The following SUPT20HL2 variants were observed in gnomAD, a reference collection of about 807,000 sequenced individuals.
SUPT20HL2 encodes the protein SUPT20H like 2.
For missense variants in SUPT20HL2, 288 were observed against 127.4 expected (o/e 2.26, Z -6.07); for synonymous variants, 125 against 51.6 (o/e 2.42, Z -6.10).
rs1450561116 is a variant in SUPT20HL2 at position 24,312,522 on chromosome X, G to A, written c.794C>T (p.Ser265Leu). 3 of 385,572 alleles carry A rather than the reference G, an allele frequency of 7.8e-6. No individual in the cohort carries two copies. The highest frequency in any genetic ancestry group is 4.7e-5 in the South Asian group (2 of 42,679). 31.8% of individuals were successfully genotyped at this position (385,572 alleles called of 1,213,427 possible). The change falls in exon 1 of 1, where the codon TCG becomes TTG. Residue 265 changes from serine (S) to leucine (L), a missense_variant. Physicochemically the swap from Ser to Leu is moderately radical, Grantham distance 145 (BLOSUM62 -2). Coordinates refer to ENST00000486479, the MANE Select transcript of SUPT20HL2 (RefSeq NM_001136233.3). The part of the protein sequence containing the change: ...DCPPPPELRV[S>L]TSGQKEERKV... ...TCTTTCTTCTTTTTGGCCAGAAGTCGACACTCTCAGCTCAGGAGGAGGTGG... is the reference window on the plus strand; with the variant it reads ...TCTTTCTTCTTTTTGGCCAGAAGTCAACACTCTCAGCTCAGGAGGAGGTGG...
rs1939106335 is a variant in SUPT20HL2 at position 24,309,781 on chromosome X, A to G, written c.*1081T>C. Among the ~76,000 whole-genome samples the G allele has an allele frequency of 1.1e-5, 1 of 93,437 alleles. No homozygotes were observed. The highest frequency in any genetic ancestry group is 2.1e-5 in the Non-Finnish European group (1 of 46,975). 81.1% of individuals were successfully genotyped at this position (93,437 alleles called of 115,157 possible). A position where few individuals can be genotyped will look rare whatever the true frequency, so the allele number is the denominator to read the frequency against. On this transcript the variant is annotated 3_prime_UTR_variant, in exon 1 of 1. Coordinates refer to ENST00000486479, the MANE Select transcript of SUPT20HL2 (RefSeq NM_001136233.3). ...AAAAAAAAAAAAAACATCCAAAAAG[A>G]GCCTTTTCAAAGCCAGTGAGAAAGC...
In SUPT20HL2 at chrX:24,310,630, T is replaced by G. The variant is rs1939114035; in HGVS notation, c.*232A>C. ...TTTAAAATACTATATTAAAAACAAT[T>G]ATATCAACAGCAATGACAACAAAAG... On this transcript the variant is annotated 3_prime_UTR_variant, in exon 1 of 1. Transcript: ENST00000486479. 8.9e-6 allele frequency among the ~76,000 whole-genome samples: 1 copy of G among 112,365 alleles called. No homozygotes were observed. Among genetic ancestry groups the G allele is most frequent in the African/African-American group, 3.2e-5 (1 of 30,905 alleles).
In SUPT20HL2 at chrX:24,312,299, A is replaced by G. The variant is rs368967912; in HGVS notation, c.1017T>C (p.His339=). 8.0e-5 allele frequency: 31 copies of G among 385,405 alleles called. No homozygotes were observed. The highest frequency in any genetic ancestry group is 5.9e-4 in the African/African-American group (23 of 39,152). 31.8% of individuals were successfully genotyped at this position (385,405 alleles called of 1,213,427 possible). A position where few individuals can be genotyped will look rare whatever the true frequency, so the allele number is the denominator to read the frequency against. Residue 339 remains histidine (H), a synonymous_variant, in exon 1 of 1, where the codon CAT becomes CAC. Coordinates refer to ENST00000486479, the MANE Select transcript of SUPT20HL2 (RefSeq NM_001136233.3). ...AGGCCTGACAGCCAGCTTCCCATGC[A>G]TGTCTGAAAGGGTCTTCTACCTCCT... The part of the protein sequence containing the change: ...PAQEVEDPFR[H]AWEAGCQAWD...
chrX:24,308,870 C>T lies in SUPT20HL2; in HGVS notation c.*1992G>A, dbSNP rs147805904. Among the ~76,000 whole-genome samples the T allele has an allele frequency of 3.2e-3, 355 of 111,901 alleles. 1 individual carries two copies. Among genetic ancestry groups the T allele is most frequent in the African/African-American group, 0.011 (327 of 30,826 alleles). ...CTATATACAAACAATGGAATGTTAT[C>T]GAACCACAGAAAGGAATGAATTAGC... On this transcript the variant is annotated 3_prime_UTR_variant, in exon 1 of 1. Coordinates refer to ENST00000486479, the MANE Select transcript of SUPT20HL2 (RefSeq NM_001136233.3).
In SUPT20HL2 at chrX:24,312,876, C is replaced by T. The variant is rs774387646; in HGVS notation, c.440G>A (p.Arg147His). 1 of 384,102 alleles carries T rather than the reference C, an allele frequency of 2.6e-6. No homozygotes were observed. The highest frequency in any genetic ancestry group is 2.6e-5 in the African/African-American group (1 of 38,885). The allele number at this position is 384,102 out of a possible 1,213,427, so 31.7% of individuals were successfully genotyped here. A position where few individuals can be genotyped will look rare whatever the true frequency, so the allele number is the denominator to read the frequency against. Residue 147 changes from arginine (R) to histidine (H), a missense_variant, in exon 1 of 1, where the codon CGT becomes CAT. By Grantham distance (29) the Arg-to-His change is conservative. Transcript: ENST00000486479. ...CATATTACTGGACTGCCTGTAGTCA[C>T]GAACTTCTACTATGACACACCCACT... ...FHSGCVIVEV[R>H]DYRQSSNMQP...
rs1939134229 is a variant in SUPT20HL2 at position 24,311,831 on chromosome X, A to G, written c.1485T>C (p.Ala495=). 2.9e-6 allele frequency: 1 copy of G among 348,384 alleles called. No homozygotes were observed. The highest frequency in any genetic ancestry group is 2.5e-5 in the South Asian group (1 of 39,665). 28.7% of individuals were successfully genotyped at this position (348,384 alleles called of 1,213,427 possible). A position where few individuals can be genotyped will look rare whatever the true frequency, so the allele number is the denominator to read the frequency against. The change falls in exon 1 of 1, where the codon GCT becomes GCC. Residue 495 remains alanine, a synonymous_variant. Coordinates refer to ENST00000486479, the MANE Select transcript of SUPT20HL2 (RefSeq NM_001136233.3). The stretch of plus-strand genomic sequence containing the variant: ...CAGCAGCAGCTACAGCAGGAGCAGC[A>G]GCAGGAAATGGACGCTTAAGAGGGC... The part of the protein sequence containing the change: ...AGSPLKRPFP[A]AAPAVAAAAP...
chrX:24,313,224 C>T lies in SUPT20HL2; in HGVS notation c.92G>A (p.Arg31Lys), dbSNP rs748669937. The T allele has an allele frequency of 2.6e-6, 1 of 386,612 alleles. No individual in the cohort carries two copies. Among genetic ancestry groups the T allele is most frequent in the South Asian group, 2.3e-5 (1 of 42,742 alleles). 31.9% of individuals were successfully genotyped at this position (386,612 alleles called of 1,213,427 possible). ...QRRPRRRYSP[R>K]AGKTLQEKLY... ...TTTTTCCTGCAGAGTTTTTCCCGCC[C>T]TAGGTGAGTATCTCCTTCTAGGACG... The change falls in exon 1 of 1, where the codon AGG (arginine) becomes AAG (lysine). Residue 31 changes from arginine to lysine, a missense_variant. Transcript: ENST00000486479.
At position 24,308,380 on chromosome X, in the gene SUPT20HL2, C is replaced by T. The variant is rs1237758832; in HGVS notation, c.*2482G>A. The T allele has an allele frequency of 1.7e-5, 6 of 360,191 alleles. 1 individual carries two copies. Among genetic ancestry groups the T allele is most frequent in the Admixed American group, 5.3e-5 (2 of 37,585 alleles). 29.7% of individuals were successfully genotyped at this position (360,191 alleles called of 1,213,427 possible). A position where few individuals can be genotyped will look rare whatever the true frequency, so the allele number is the denominator to read the frequency against. On this transcript the variant is annotated 3_prime_UTR_variant, in exon 1 of 1. Coordinates refer to ENST00000486479, the MANE Select transcript of SUPT20HL2 (RefSeq NM_001136233.3). ...CTGAATTCAGGTCACTGCTTAGCTC[C>T]GAAGGCCATGCATAAACTCTTCTCT...
rs1939103105 is a variant in SUPT20HL2 at position 24,309,747 on chromosome X, A to AAAAAAAAAAAAAAAAAAAAG, written c.*1114_*1115insCTTTTTTTTTTTTTTTTTTT. 1.1e-3 allele frequency among the ~76,000 whole-genome samples: 3 copies of AAAAAAAAAAAAAAAAAAAAG among 2,696 alleles called. No homozygotes were observed. The highest frequency in any genetic ancestry group is 2.2e-3 in the Non-Finnish European group (3 of 1,341). The allele number at this position is 2,696 out of a possible 115,157, so 2.3% of individuals were successfully genotyped here. On this transcript the variant is annotated 3_prime_UTR_variant, in exon 1 of 1. Transcript: ENST00000486479. ...AAATAATAAAAATAAAAAAAAAAAG[A>AAAAAAAAAAAAAAAAAAAAG]AAAAAAAAAAAAAAAAAAAAAACAT...
rs1265355506 is a variant in SUPT20HL2, at chrX:24,310,385, A to G, written c.*477T>C. ...GCACAACCGTGGGGGTGGACTTAAT[A>G]CTATTGCACTGGGCACTTAAAATAG... On this transcript the variant is annotated 3_prime_UTR_variant, in exon 1 of 1. Transcript: ENST00000486479. 8.9e-6 allele frequency among the ~76,000 whole-genome samples: 1 copy of G among 112,284 alleles called. No individual in the cohort carries two copies. The highest frequency in any genetic ancestry group is 3.2e-5 in the African/African-American group (1 of 30,881).
chrX:24,311,348 G>A lies in SUPT20HL2; in HGVS notation c.1968C>T (p.Gly656=), dbSNP rs1165535479. Residue 656 remains glycine (G), a synonymous_variant, in exon 1 of 1, where the codon GGC becomes GGT. Coordinates refer to ENST00000486479, the MANE Select transcript of SUPT20HL2 (RefSeq NM_001136233.3). Reference sequence around the variant, plus strand: ...GCTGCGGGCCGGTCAGAACCGCCCAGCCCTGCGGAACCTGGAGTGTCAGAG... The same window carrying A: ...GCTGCGGGCCGGTCAGAACCGCCCAACCCTGCGGAACCTGGAGTGTCAGAG... ...LRPLTLQVPQ[G]WAVLTGPQQQ... 2.6e-6 allele frequency: 1 copy of A among 387,612 alleles called. No homozygotes were observed. 31.9% of individuals were successfully genotyped at this position (387,612 alleles called of 1,213,427 possible). A position where few individuals can be genotyped will look rare whatever the true frequency, so the allele number is the denominator to read the frequency against.
In SUPT20HL2 at chrX:24,311,779, C is replaced by CAGCAGG. The variant is rs758836549; in HGVS notation, c.1531_1536dup (p.Pro511_Ala512dup). 1.0e-3 allele frequency: 342 copies of CAGCAGG among 336,957 alleles called. 1 individual carries two copies. Among genetic ancestry groups the CAGCAGG allele is most frequent in the Middle Eastern group, 2.7e-3 (6 of 2,263 alleles). 27.8% of individuals were successfully genotyped at this position (336,957 alleles called of 1,213,427 possible). A position where few individuals can be genotyped will look rare whatever the true frequency, so the allele number is the denominator to read the frequency against. Reference sequence around the variant, plus strand: ...GCAGCAGCAGCTAAAGCAGGAGCAGCAGCAGGAGCAGGAGCAGGAGCAGGA... The same window carrying CAGCAGG: ...GCAGCAGCAGCTAAAGCAGGAGCAGCAGCAGGAGCAGGAGCAGGAGCAGGAGCAGGA... On this transcript the variant is annotated inframe_insertion, in exon 1 of 1. Coordinates refer to ENST00000486479, the MANE Select transcript of SUPT20HL2 (RefSeq NM_001136233.3).
At position 24,311,507 on chromosome X, in the gene SUPT20HL2, G is replaced by T. The variant is rs968574559; in HGVS notation, c.1809C>A (p.Pro603=). 5.2e-6 allele frequency: 2 copies of T among 387,237 alleles called. No individual in the cohort carries two copies. Among genetic ancestry groups the T allele is most frequent in the South Asian group, 4.7e-5 (2 of 42,810 alleles). 31.9% of individuals were successfully genotyped at this position (387,237 alleles called of 1,213,427 possible). ...CACTGCCACTGATTCCTGCAGGAGCGGGGGCACCCGAGCCAGGGGCCTGCA... is the reference window on the plus strand; with the variant it reads ...CACTGCCACTGATTCCTGCAGGAGCTGGGGCACCCGAGCCAGGGGCCTGCA... ...KPVQAPGSGA[P]APAGISGSGL... is the part of the protein sequence containing the mutation. Residue 603 remains proline (P), a synonymous_variant, in exon 1 of 1, where the codon CCC becomes CCA. Transcript: ENST00000486479.
In SUPT20HL2 at chrX:24,309,827, G is replaced by A. The variant is rs1333317804; in HGVS notation, c.*1035C>T. ...AAAGCCTTGCTCTGTGGAGCACTAG[G>A]TGCAGACAGGGCCTTTGAAAGGGCA... On this transcript the variant is annotated 3_prime_UTR_variant, in exon 1 of 1. Transcript: ENST00000486479. 3.0e-5 allele frequency among the ~76,000 whole-genome samples: 3 copies of A among 100,580 alleles called. No individual in the cohort carries two copies. Among genetic ancestry groups the A allele is most frequent in the South Asian group, 4.8e-4 (1 of 2,079 alleles). The allele number at this position is 100,580 out of a possible 115,157, so 87.3% of individuals were successfully genotyped here.
chrX:24,311,019 T>C lies in SUPT20HL2; in HGVS notation c.2297A>G (p.Gln766Arg), dbSNP rs1257398409. 7.8e-6 allele frequency: 3 copies of C among 383,892 alleles called. No homozygotes were observed. Among genetic ancestry groups the C allele is most frequent in the Admixed American group, 7.7e-5 (3 of 39,167 alleles). The allele number at this position is 383,892 out of a possible 1,213,427, so 31.6% of individuals were successfully genotyped here. Residue 766 changes from glutamine to arginine, a missense_variant, in exon 1 of 1, where the codon CAG becomes CGG. Transcript: ENST00000486479. Reference sequence around the variant, plus strand: ...CAAAGGCTGTGTCTGGAGCTGGATCTGCTGTGGCTGTGGTTGTGGCTGCAG... The same window carrying C: ...CAAAGGCTGTGTCTGGAGCTGGATCCGCTGTGGCTGTGGTTGTGGCTGCAG... ...LLLQPQPQPQ[Q>R]IQLQTQPLRV...
Position 24,311,752 on chromosome X carries a change from C to CAGCAGCAGCAGCTAAAGCAGG in SUPT20HL2, c.1543_1563dup (p.Pro515_Ala521dup), listed in dbSNP as rs1362532340. The CAGCAGCAGCAGCTAAAGCAGG allele has an allele frequency of 8.5e-6, 3 of 353,036 alleles. No individual in the cohort carries two copies. Among genetic ancestry groups the CAGCAGCAGCAGCTAAAGCAGG allele is most frequent in the South Asian group, 2.5e-5 (1 of 39,947 alleles). The allele number at this position is 353,036 out of a possible 1,213,427, so 29.1% of individuals were successfully genotyped here. On this transcript the variant is annotated inframe_insertion, in exon 1 of 1. Transcript: ENST00000486479. ...GCCGCCCCACCGGCCGCCGCCGCCACAGCAGCAGCAGCTAAAGCAGGAGCA... is the reference window on the plus strand; with the variant it reads ...GCCGCCCCACCGGCCGCCGCCGCCACAGCAGCAGCAGCTAAAGCAGGAGCAGCAGCAGCTAAAGCAGGAGCA...
chrX:24,310,042 TC>T lies in SUPT20HL2; in HGVS notation c.*819del, dbSNP rs1223244015. 3.6e-5 allele frequency among the ~76,000 whole-genome samples: 4 copies of T among 111,772 alleles called. No individual in the cohort carries two copies. Among genetic ancestry groups the T allele is most frequent in the Non-Finnish European group, 5.6e-5 (3 of 53,194 alleles). ...TTAATGTGAATACGATTACACTCTT[TC>T]TTCTGAAAGAGGTTTCTCAGAGTTT... On this transcript the variant is annotated 3_prime_UTR_variant, in exon 1 of 1. Transcript: ENST00000486479.
rs1939103179 is a variant in SUPT20HL2 at position 24,309,747 on chromosome X, A to AAAAAAAAAAAAAAAAAAAAAAAAAAG, written c.*1114_*1115insCTTTTTTTTTTTTTTTTTTTTTTTTT. ...AAATAATAAAAATAAAAAAAAAAAG[A>AAAAAAAAAAAAAAAAAAAAAAAAAAG]AAAAAAAAAAAAAAAAAAAAAACAT... On this transcript the variant is annotated 3_prime_UTR_variant, in exon 1 of 1. Coordinates refer to ENST00000486479, the MANE Select transcript of SUPT20HL2 (RefSeq NM_001136233.3). 1.5e-3 allele frequency among the ~76,000 whole-genome samples: 4 copies of AAAAAAAAAAAAAAAAAAAAAAAAAAG among 2,702 alleles called. No homozygotes were observed. Among genetic ancestry groups the AAAAAAAAAAAAAAAAAAAAAAAAAAG allele is most frequent in the Non-Finnish European group, 2.2e-3 (3 of 1,347 alleles). The allele number at this position is 2,702 out of a possible 115,157, so 2.3% of individuals were successfully genotyped here.
chrX:24,309,734 T>TAAAAAAAAAAAAAAAAAAAAA lies in SUPT20HL2; in HGVS notation c.*1127_*1128insTTTTTTTTTTTTTTTTTTTTT, dbSNP rs1429702092. Among the ~76,000 whole-genome samples, 5 of 15,704 alleles carry TAAAAAAAAAAAAAAAAAAAAA rather than the reference T, an allele frequency of 3.2e-4. No homozygotes were observed. Among genetic ancestry groups the TAAAAAAAAAAAAAAAAAAAAA allele is most frequent in the African/African-American group, 3.4e-4 (1 of 2,899 alleles). The allele number at this position is 15,704 out of a possible 115,157, so 13.6% of individuals were successfully genotyped here. A position where few individuals can be genotyped will look rare whatever the true frequency, so the allele number is the denominator to read the frequency against. On this transcript the variant is annotated 3_prime_UTR_variant, in exon 1 of 1. Coordinates refer to ENST00000486479, the MANE Select transcript of SUPT20HL2 (RefSeq NM_001136233.3). The stretch of plus-strand genomic sequence containing the variant: ...AAAAAAAAGAAAAAAATAATAAAAA[T>TAAAAAAAAAAAAAAAAAAAAA]AAAAAAAAAAAGAAAAAAAAAAAAA...
Sources: gnomAD v4.1 joint callset for allele counts (sites outside exome capture counted in the v4.1 genomes callset) on GRCh38, gnomAD v4.1.1 for gene constraint, MANE v1.5 for transcripts, NCBI Gene and HGNC (gene_info 2026-07-23, HGNC 2026-07-21) for gene names.